The following LRRC4C variants were observed in gnomAD, a reference collection of about 807,000 sequenced individuals.
LRRC4C encodes leucine-rich repeat-containing protein 4C.
Under a neutral mutation model 33.6 loss-of-function variants are expected in LRRC4C, and 5 were observed. That is an observed-to-expected ratio of 0.15 (90% CI 0.08 to 0.31). The LOEUF is 0.31. Among genes scored for constraint, LRRC4C ranks in the 10% least tolerant of loss-of-function variants. The pLI is 1.00. For synonymous variants in LRRC4C, 329 were observed against 302.0 expected (o/e 1.09, Z -0.93); for missense variants, 560 against 796.7 (o/e 0.70, Z 3.58).
At chr11:40,940,333 T>G (rs1326835670) in intron 1 of LRRC4C, among the ~76,000 whole-genome samples, 2 of 152,142 alleles carry the variant, frequency 1.3e-5, no homozygotes, top group African/African-American at 4.8e-5. Context: ...ATGGTAACAT[T>G]TTGAAGAATA....
chr11:40,125,016 T>G (rs551894370), intron 6 of LRRC4C, among the ~76,000 whole-genome samples: 1 of 151,960 alleles, frequency 6.6e-6, no homozygotes, highest in Non-Finnish European at 1.5e-5. Flanking sequence ...CATTTAAAAA[T>G]TCACAAACAT....
intron 2 of LRRC4C, among the ~76,000 whole-genome samples, chr11:40,681,977 C>T (rs1944710560): frequency 6.6e-6 from 1 of 152,026 alleles, no homozygotes; most frequent in South Asian, 2.1e-4. Context: ...GGATAAAAGA[C>T]AACAAATATG....
chr11:40,214,327 G>A (rs997997810), intron 5 of LRRC4C, among the ~76,000 whole-genome samples: 8 of 152,034 alleles, frequency 5.3e-5, no homozygotes, highest in Admixed American at 1.3e-4. Flanking sequence ...ATCCATTCTT[G>A]CGAGACTGTC....
intron 3 of LRRC4C, among the ~76,000 whole-genome samples, chr11:40,389,852 CAT>C (rs1298672544): frequency 6.6e-6 from 1 of 152,118 alleles, no homozygotes; most frequent in Non-Finnish European, 1.5e-5. Context: ...AGTCACCAAA[CAT>C]GTAAATGATC....
intron 2 of LRRC4C, among the ~76,000 whole-genome samples, chr11:40,810,534 C>T (rs948587514): frequency 2.2e-4 from 34 of 152,128 alleles, no homozygotes; most frequent in Admixed American, 1.4e-3. Flanking sequence ...TTTTTAAACA[C>T]GGTGTCTTGC....
At chr11:41,195,703 G>A (rs1432322809) in intron 1 of LRRC4C, among the ~76,000 whole-genome samples, 1 of 152,076 alleles carries the variant, frequency 6.6e-6, no homozygotes. Context: ...TATATGGAAT[G>A]GAGGAAGGCC....
chr11:40,886,976 A>ATT (rs1393916338), intron 2 of LRRC4C, among the ~76,000 whole-genome samples: 8 of 149,324 alleles, frequency 5.4e-5, no homozygotes, highest in Non-Finnish European at 1.2e-4. Context: ...ATACATATAT[A>ATT]TATATACGTG....
chr11:40,890,956 G>C (rs543076660), intron 2 of LRRC4C, among the ~76,000 whole-genome samples: 23 of 152,262 alleles, frequency 1.5e-4, no homozygotes, highest in Non-Finnish European at 2.8e-4. Context: ...AAACTTGCCA[G>C]ACTAGGTTGG....
At chr11:41,239,577 A>G (rs1948168766) in intron 1 of LRRC4C, among the ~76,000 whole-genome samples, 1 of 152,034 alleles carries the variant, frequency 6.6e-6, no homozygotes, top group Admixed American at 6.6e-5. Flanking sequence ...GCCTCCCTCA[A>G]ATGTGACTGT....
At chr11:40,442,626 G>A (rs2137981546) in intron 3 of LRRC4C, among the ~76,000 whole-genome samples, 1 of 152,268 alleles carries the variant, frequency 6.6e-6, no homozygotes, top group Admixed American at 6.5e-5. Context: ...CCTAAAGTGT[G>A]ATTCTCCAGG....
intron 1 of LRRC4C, among the ~76,000 whole-genome samples, chr11:41,454,178 G>A (rs769050106): frequency 1.3e-4 from 20 of 152,126 alleles, no homozygotes; most frequent in Admixed American, 3.3e-4. Context: ...AGTTAGCAAA[G>A]CAGAATTGGA....
chr11:41,139,276 C>T (rs1943400718), intron 1 of LRRC4C, among the ~76,000 whole-genome samples: 1 of 152,130 alleles, frequency 6.6e-6, no homozygotes, highest in Admixed American at 6.6e-5. Flanking sequence ...TAGTAAGGGA[C>T]TTATATACAA....
chr11:41,243,742 C>T (rs1215711601), intron 1 of LRRC4C, among the ~76,000 whole-genome samples: 1 of 152,092 alleles, frequency 6.6e-6, no homozygotes, highest in African/African-American at 2.4e-5. Context: ...ATCTAGGAGA[C>T]AAGTTTTCTG....
intron 1 of LRRC4C, among the ~76,000 whole-genome samples, chr11:41,255,105 C>T (rs1349630650): frequency 2.0e-5 from 3 of 151,920 alleles, no homozygotes; most frequent in East Asian, 1.9e-4. Context: ...AATACTATAC[C>T]ATTCCCTAAA....
rs151036925 is a variant in LRRC4C at position 41,022,555 on chromosome 11, T to G, written c.-495-88832A>C. Among the ~76,000 whole-genome samples the G allele has an allele frequency of 2.2e-4, 33 of 151,890 alleles. 1 individual carries two copies. Among genetic ancestry groups the G allele is most frequent in the African/African-American group, 6.3e-4 (26 of 41,404 alleles). ...GTAAATTAGACCTACATCAGGGTGT[T>G]AGGTCATGTGCTAGTACCAGGAAGA... On this transcript the variant is annotated intron_variant, in intron 1 of 6. Coordinates refer to ENST00000528697, the MANE Select transcript of LRRC4C (RefSeq NM_001258419.2).
chr11:41,235,227 G>A (rs1947966963), intron 1 of LRRC4C, among the ~76,000 whole-genome samples: 1 of 151,980 alleles, frequency 6.6e-6, no homozygotes, highest in Non-Finnish European at 1.5e-5. Context: ...AGTGACAAAA[G>A]AGAAATACAT....
At chr11:40,770,551 CT>C (rs1234274114) in intron 2 of LRRC4C, among the ~76,000 whole-genome samples, 7 of 152,132 alleles carry the variant, frequency 4.6e-5, no homozygotes, top group Admixed American at 1.3e-4. Context: ...CCAACAGTTC[CT>C]CAACTTCTTA....
intron 2 of LRRC4C, among the ~76,000 whole-genome samples, chr11:40,801,632 T>C (rs929574197): frequency 6.6e-6 from 1 of 152,178 alleles, no homozygotes; most frequent in African/African-American, 2.4e-5. Flanking sequence ...TAATACCATC[T>C]ATGTTTATAT....
intron 1 of LRRC4C, among the ~76,000 whole-genome samples, chr11:41,256,576 AT>A (rs888877874): frequency 4.6e-5 from 7 of 152,026 alleles, no homozygotes; most frequent in African/African-American, 1.7e-4. Context: ...GATTCATAGC[AT>A]TAAAAAGTAA....
Sources: gnomAD v4.1 joint callset for allele counts (sites outside exome capture counted in the v4.1 genomes callset) on GRCh38, gnomAD v4.1.1 for gene constraint, MANE v1.5 for transcripts, NCBI Gene and HGNC (gene_info 2026-07-23, HGNC 2026-07-21) for gene names.